The following GLG1 variants were observed in gnomAD, a reference collection of about 807,000 sequenced individuals.
The protein encoded by GLG1 is golgi glycoprotein 1.
Under a neutral mutation model 160.5 loss-of-function variants are expected in GLG1, and 38 were observed. The ratio of observed to expected loss-of-function variants is 0.24; its 90% CI spans 0.18 to 0.31. The LOEUF (loss-of-function observed/expected upper bound fraction) is 0.31. Ranked by LOEUF, GLG1 falls within the 10% of genes least tolerant of loss-of-function variation. The pLI, the probability that GLG1 is intolerant of heterozygous loss-of-function variation, is 1.00. For synonymous variants in GLG1, 644 were observed against 543.4 expected, an observed-to-expected ratio of 1.19 and a Z score of -2.57; for missense variants, 1,373 against 1,505.2, an observed-to-expected ratio of 0.91 and a Z score of 1.45.
At chr16:74,455,556 AC>A (rs948549083) in intron 25 of GLG1, among the ~76,000 whole-genome samples, 1 of 152,172 alleles carries the variant, frequency 6.6e-6, no homozygotes, top group African/African-American at 2.4e-5. Context: ...GACTACTGTG[AC>A]AGACAGGAGC....
chr16:74,588,631 C>T (rs974382883), intron 1 of GLG1, among the ~76,000 whole-genome samples: 1 of 152,032 alleles, frequency 6.6e-6, no homozygotes, highest in Admixed American at 6.6e-5. Flanking sequence ...GTTGCCCAGG[C>T]TGATCTCAAA....
In GLG1 at chr16:74,462,214, G is replaced by T; in HGVS notation, c.2935-19C>A. On this transcript the variant is annotated intron_variant, in intron 21 of 25. Coordinates refer to ENST00000422840, the MANE Select transcript of GLG1 (RefSeq NM_001145667.2). ...ACAGGCGCTGCATGTGACAAAGGGA[G>T]GATACATGGGCTGATCAGAAAACGA... The T allele has an allele frequency of 7.6e-7, 1 of 1,313,144 alleles. No homozygotes were observed. Among genetic ancestry groups the T allele is most frequent in the Non-Finnish European group, 1.1e-6 (1 of 907,102 alleles). The allele number at this position is 1,313,144 out of a possible 1,614,324, so 81.3% of individuals were successfully genotyped here.
At chr16:74,596,140 A>T (rs1958296922) in intron 1 of GLG1, among the ~76,000 whole-genome samples, 1 of 152,086 alleles carries the variant, frequency 6.6e-6, no homozygotes, top group Admixed American at 6.6e-5. Context: ...CTTTACCCAG[A>T]GGATTTACCC....
intron 8 of GLG1, among the ~76,000 whole-genome samples, chr16:74,489,033 T>G (rs1253170668): frequency 6.6e-6 from 1 of 152,204 alleles, no homozygotes; most frequent in Non-Finnish European, 1.5e-5. Flanking sequence ...GAAGTACTTA[T>G]GTATCTTTCA....
intron 1 of GLG1, among the ~76,000 whole-genome samples, chr16:74,556,027 A>G (rs1286593094): frequency 2.0e-5 from 3 of 151,956 alleles, no homozygotes; most frequent in Non-Finnish European, 4.4e-5. Context: ...TTTTGTAGAG[A>G]AGGGTCTCAC....
chr16:74,533,058 C>A (rs1026848183), intron 1 of GLG1, among the ~76,000 whole-genome samples: 2 of 152,214 alleles, frequency 1.3e-5, no homozygotes, highest in African/African-American at 2.4e-5. Flanking sequence ...CGGTGGCTCA[C>A]GCCTGTAATC....
intron 1 of GLG1, among the ~76,000 whole-genome samples, chr16:74,570,822 A>G (rs968846692): frequency 2.0e-5 from 3 of 152,160 alleles, no homozygotes; most frequent in Admixed American, 2.0e-4. Flanking sequence ...CAGGAGTTTG[A>G]GGCTACAGCA....
At chr16:74,492,755 C>G (rs1457019394) in intron 7 of GLG1, among the ~76,000 whole-genome samples, 1 of 149,732 alleles carries the variant, frequency 6.7e-6, no homozygotes, top group Non-Finnish European at 1.5e-5. Flanking sequence ...GAAGGCGGAG[C>G]TTGCAGTGAG....
intron 1 of GLG1, among the ~76,000 whole-genome samples, chr16:74,564,044 C>T (rs372737734): frequency 4.2e-4 from 64 of 152,314 alleles, no homozygotes; most frequent in African/African-American, 1.5e-3. Context: ...CACCCAGCCT[C>T]CTGAGTAGTG....
At chr16:74,454,077 G>T (rs1295691984) in intron 25 of GLG1, among the ~76,000 whole-genome samples, 2 of 151,958 alleles carry the variant, frequency 1.3e-5, no homozygotes, top group Non-Finnish European at 2.9e-5. Context: ...GTTTCACTGT[G>T]TTGGGCAGGC....
chr16:74,492,842 A>G (rs2016051404), intron 7 of GLG1, 115 bp downstream of exon 7: 4 of 541,424 alleles, frequency 7.4e-6, no homozygotes, highest in Admixed American at 4.2e-5. Context: ...AAAAAAAAGA[A>G]AAATACTCAA....
intron 1 of GLG1, among the ~76,000 whole-genome samples, chr16:74,597,251 C>T (rs559673440): frequency 1.3e-5 from 2 of 150,702 alleles, no homozygotes; most frequent in East Asian, 2.0e-4. Context: ...TCCAACATGG[C>T]GAAACCCCGT....
At chr16:74,588,701 G>A (rs183727246) in intron 1 of GLG1, among the ~76,000 whole-genome samples, 2 of 152,150 alleles carry the variant, frequency 1.3e-5, no homozygotes, top group South Asian at 2.1e-4. Flanking sequence ...TTACAGACAT[G>A]AGCCACCACA....
chr16:74,562,845 G>C (rs1046580544), intron 1 of GLG1, among the ~76,000 whole-genome samples: 1 of 152,144 alleles, frequency 6.6e-6, no homozygotes, highest in Non-Finnish European at 1.5e-5. Flanking sequence ...CTGGAGGTTG[G>C]TTCTTCTGGA....
At position 74,448,255 on chromosome 16, in the gene GLG1, G is replaced by A. The variant is rs952601585; in HGVS notation, c.*4912C>T. On this transcript the variant is annotated 3_prime_UTR_variant, in exon 26 of 26. Coordinates refer to ENST00000422840, the MANE Select transcript of GLG1 (RefSeq NM_001145667.2). ...ATGAGCAACCAAAGACCAATGGGAG[G>A]GAAGGCAGGCAAGAACCTCAGACCC... 2.0e-5 allele frequency: 3 copies of A among 152,294 alleles called. No homozygotes were observed. Among genetic ancestry groups the A allele is most frequent in the African/African-American group, 7.2e-5 (3 of 41,444 alleles). The allele number at this position is 152,294 out of a possible 1,614,324, so 9.4% of individuals were successfully genotyped here.
intron 2 of GLG1, among the ~76,000 whole-genome samples, chr16:74,509,971 G>C (rs1360722443): frequency 6.6e-6 from 1 of 151,738 alleles, no homozygotes; most frequent in Non-Finnish European, 1.5e-5. Flanking sequence ...ACAAGTGCGA[G>C]CCAGCATGCC....
intron 2 of GLG1, among the ~76,000 whole-genome samples, chr16:74,529,808 A>ATT (rs1567505833): frequency 2.4e-5 from 2 of 84,292 alleles, no homozygotes; most frequent in South Asian, 5.0e-4. Flanking sequence ...GCTCTTTGAG[A>ATT]GTTCTTTTTT....
intron 1 of GLG1, among the ~76,000 whole-genome samples, chr16:74,564,469 T>G (rs2018595381): frequency 5.9e-5 from 9 of 152,226 alleles, no homozygotes; most frequent in Admixed American, 5.9e-4. Context: ...CTCTCAAAAG[T>G]TATAAATGTT....
chr16:74,458,176 T>A (rs2014636905), intron 23 of GLG1, 182 bp from the exon 24 acceptor site: 2 of 521,906 alleles, frequency 3.8e-6, no homozygotes, highest in Non-Finnish European at 3.4e-6. Flanking sequence ...ATTGAGTAAC[T>A]AACTACTTTT....
Sources: gnomAD v4.1 joint callset for allele counts (sites outside exome capture counted in the v4.1 genomes callset) on GRCh38, gnomAD v4.1.1 for gene constraint, MANE v1.5 for transcripts, NCBI Gene and HGNC (gene_info 2026-07-23, HGNC 2026-07-21) for gene names.